NFRKB: variants seen among roughly 807,000 people sequenced by gnomAD.
NFRKB encodes nuclear factor related to kappa-B-binding protein.
A neutral mutation model predicts 135.7 loss-of-function variants in NFRKB; 62 were observed. That is an observed-to-expected ratio of 0.46 (90% CI 0.37 to 0.56). The LOEUF (loss-of-function observed/expected upper bound fraction) is 0.56, where lower values mean the gene tolerates loss of function less well. Ranked by LOEUF, NFRKB falls within the 20% of genes least tolerant of loss-of-function variation. The pLI is 0.00. For missense variants in NFRKB, 1,545 were observed against 1,662.0 expected, an observed-to-expected ratio of 0.93 and a Z score of 1.22; for synonymous variants, 678 against 635.6, an observed-to-expected ratio of 1.07 and a Z score of -1.00.
At chr11:129,893,402 A>AAAG (rs1949646424) in intron 2 of NFRKB, 1 of 392,478 alleles carries the variant, frequency 2.5e-6, no homozygotes, top group South Asian at 1.9e-5. Context: ...AAAAAAAAAA[A>AAAG]AAAAAAAATC....
At position 129,873,887 on chromosome 11, in the gene NFRKB, G is replaced by C; in HGVS notation, c.2408C>G (p.Ser803Cys). ...VVSHSGSAGL[S>C]QVRVVAQPSL... ...AGGCTGGGCCACCACTCGCACCTGA[G>C]ACAGTCCAGCAGAGCCAGAGTGGCT... The change falls in exon 22 of 27, where the codon TCT becomes TGT. Residue 803 changes from serine (S) to cysteine (C), a missense_variant. Transcript: ENST00000682444. 3 of 1,614,086 alleles carry C rather than the reference G, an allele frequency of 1.9e-6. No individual in the cohort carries two copies. Among genetic ancestry groups the C allele is most frequent in the East Asian group, 2.2e-5 (1 of 44,888 alleles).
chr11:129,874,244 T>A lies in NFRKB; in HGVS notation c.2148A>T (p.Pro716=), dbSNP rs145578616. 186 of 1,517,728 alleles carry A rather than the reference T, an allele frequency of 1.2e-4. No individual in the cohort carries two copies. In the African/African-American group the frequency reaches 2.5e-3, roughly 20 times the overall value. 94.0% of individuals were successfully genotyped at this position (1,517,728 alleles called of 1,614,324 possible). A position where few individuals can be genotyped will look rare whatever the true frequency, so the allele number is the denominator to read the frequency against. The part of the protein sequence containing the change: ...SQMSLSDSSM[P]PTPVTPVTPT... ...GGGTTACAGGTGTGACTGGGGTGGG[T>A]GGCATACTGGAGTCACTGAGGCTCA... is the stretch of plus-strand genomic sequence containing the variant. Residue 716 remains proline (P), a synonymous_variant, in exon 21 of 27, where the codon CCA becomes CCT. Coordinates refer to ENST00000682444, the MANE Select transcript of NFRKB (RefSeq NM_001143835.2). This position sits in a 1 kb window ranked among gnomAD's most constrained non-coding sequence, Gnocchi z 4.5.
intron 3 of NFRKB, among the ~76,000 whole-genome samples, chr11:129,889,484 G>T (rs1031488844): frequency 2.6e-5 from 4 of 151,872 alleles, no homozygotes; most frequent in African/African-American, 9.7e-5. Flanking sequence ...GAATGAACTT[G>T]AGGGACTGAA....
Position 129,876,709 on chromosome 11 carries a change from C to A in NFRKB, c.1747+12G>T, listed in dbSNP as rs201960306. 4 of 1,609,060 alleles carry A rather than the reference C, an allele frequency of 2.5e-6. No homozygotes were observed. The East Asian group carries it at 6.7e-5, about 27-fold the overall frequency. ...AGAAAGGGATCTCTGATAATCGACA[C>A]GTGCCACCTACCAAGAGACAGAATG... On this transcript the variant is annotated intron_variant, in intron 17 of 26. Transcript: ENST00000682444.
In NFRKB at chr11:129,874,978, A is replaced by G; in HGVS notation, c.1855-62T>C. ...AGCTTAGATAACAGAAGTTATTTGA[A>G]CTCTAGGAAAAAAATGTCATTGTAT... On this transcript the variant is annotated intron_variant, in intron 18 of 26. Coordinates refer to ENST00000682444, the MANE Select transcript of NFRKB (RefSeq NM_001143835.2). The surrounding 1 kb of genome is among the most constrained non-coding windows in gnomAD (Gnocchi z 4.5). 1 of 1,595,178 alleles carries G rather than the reference A, an allele frequency of 6.3e-7. No homozygotes were observed. The highest frequency in any genetic ancestry group is 8.6e-7 in the Non-Finnish European group (1 of 1,165,754).
chr11:129,875,076 G>A (rs2241576), intron 18 of NFRKB, among the ~76,000 whole-genome samples, 160 bp from the exon 19 acceptor site: 51,342 of 152,026 alleles, frequency 0.34, 9,877 homozygotes, highest in East Asian at 0.45. Context: ...ATCGTTTGAC[G>A]AGACAATAAA....
intron 8 of NFRKB, 130 bp from the exon 9 acceptor site, chr11:129,883,336 A>G (rs1949119845): frequency 5.9e-6 from 4 of 678,970 alleles, no homozygotes; most frequent in Non-Finnish European, 1.1e-5. Flanking sequence ...AAAAATATAG[A>G]GAGATAAAAC....
intron 4 of NFRKB, among the ~76,000 whole-genome samples, chr11:129,887,647 TAA>T (rs1949340502): frequency 1.3e-5 from 2 of 152,152 alleles, no homozygotes; most frequent in Non-Finnish European, 2.9e-5. Flanking sequence ...TTCAAAAAGC[TAA>T]AGAGACGTAA....
chr11:129,868,925 C>T (rs1302878818), intron 24 of NFRKB, among the ~76,000 whole-genome samples: 1 of 152,136 alleles, frequency 6.6e-6, no homozygotes, highest in Non-Finnish European at 1.5e-5. Context: ...GAGGCTGGGG[C>T]AGGAGAATCA....
intron 9 of NFRKB, among the ~76,000 whole-genome samples, 158 bp downstream of exon 9, chr11:129,882,964 T>C (rs527480240): frequency 1.4e-4 from 21 of 152,294 alleles, no homozygotes; most frequent in African/African-American, 4.8e-4. Context: ...GTTGTACTGA[T>C]TTTACATTCA....
chr11:129,868,437 A>G (rs1948315090), intron 24 of NFRKB, among the ~76,000 whole-genome samples: 1 of 152,236 alleles, frequency 6.6e-6, no homozygotes, highest in African/African-American at 2.4e-5. Context: ...ACGTGGTATC[A>G]GCACTGCTTA....
chr11:129,888,489 T>A (rs1183105254), intron 4 of NFRKB, 105 bp downstream of exon 4: 8 of 1,192,876 alleles, frequency 6.7e-6, no homozygotes, highest in Non-Finnish European at 9.9e-6. Context: ...CCTCAGTATC[T>A]GTACATGAAG....
At chr11:129,893,480 A>C (rs905816784) in intron 2 of NFRKB, 3 of 246,942 alleles carry the variant, frequency 1.2e-5, no homozygotes, top group Non-Finnish European at 2.5e-5. Context: ...GGATCGCTTG[A>C]ACACGAGATG....
chr11:129,884,995 G>A lies in NFRKB; in HGVS notation c.641-149C>T, dbSNP rs923679773. 4.3e-6 allele frequency: 5 copies of A among 1,163,728 alleles called. No homozygotes were observed. The South Asian group carries it at 5.8e-5, about 14-fold the overall frequency. 72.1% of individuals were successfully genotyped at this position (1,163,728 alleles called of 1,614,324 possible). On this transcript the variant is annotated intron_variant, in intron 6 of 26. Transcript: ENST00000682444. Reference sequence around the variant, plus strand: ...TCCTTTCTGACCCTACCCCAGAGGAGCTGGAGCACACTTAGGTCATCTAAC... The same window carrying A: ...TCCTTTCTGACCCTACCCCAGAGGAACTGGAGCACACTTAGGTCATCTAAC...
intron 9 of NFRKB, 88 bp downstream of exon 9, chr11:129,883,034 T>C: frequency 1.7e-6 from 2 of 1,187,226 alleles, no homozygotes; most frequent in South Asian, 1.3e-5. Flanking sequence ...AGAGAGGCCA[T>C]GGTTTCATTT....
At chr11:129,891,542 G>C (rs150061771) in intron 3 of NFRKB, among the ~76,000 whole-genome samples, 1 of 152,070 alleles carries the variant, frequency 6.6e-6, no homozygotes, top group African/African-American at 2.4e-5. Context: ...TGGGGTGAAC[G>C]ACCCCCAGGC....
chr11:129,875,075 C>T (rs961588022), intron 18 of NFRKB, among the ~76,000 whole-genome samples, 159 bp from the exon 19 acceptor site: 4 of 152,118 alleles, frequency 2.6e-5, no homozygotes, highest in Non-Finnish European at 2.9e-5. Context: ...AATCGTTTGA[C>T]GAGACAATAA....
At chr11:129,877,893 T>C (rs1384419989) in intron 15 of NFRKB, among the ~76,000 whole-genome samples, 5 of 152,292 alleles carry the variant, frequency 3.3e-5, no homozygotes, top group South Asian at 2.1e-4. Context: ...GACAATGTGA[T>C]ATAAAGAGCC....
rs753727366 is a variant in NFRKB at position 129,873,045 on chromosome 11, GCA to G, written c.2600_2601del (p.Val867AlafsTer24). 1.9e-6 allele frequency: 3 copies of G among 1,613,768 alleles called. No homozygotes were observed. The highest frequency in any genetic ancestry group is 2.5e-6 in the Non-Finnish European group (3 of 1,179,868). The part of the protein sequence containing the change: ...PVKAQTTAAT[V>X]QRPGPGQTGL... The stretch of plus-strand genomic sequence containing the variant: ...CCTGTCTGCCCGGGTCCAGGCCGCT[GCA>G]CAGTGGCTGCCGTAGTCTGCGCTTT... On this transcript the variant is annotated frameshift_variant, in exon 23 of 27. Transcript: ENST00000682444. LOFTEE classifies it high-confidence loss of function.
Sources: allele counts gnomAD v4.1 joint callset (sites outside exome capture counted in the v4.1 genomes callset), GRCh38; gene constraint gnomAD v4.1.1; non-coding constraint Gnocchi (gnomAD v3.1); transcripts MANE v1.5; gene names NCBI Gene and HGNC (gene_info 2026-07-23, HGNC 2026-07-21).